The following DIS3L2 variants were observed in gnomAD, a reference collection of about 807,000 sequenced individuals.
DIS3L2 encodes DIS3-like exonuclease 2.
In DIS3L2, 34 loss-of-function variants were observed where a neutral mutation model predicts 97.5. That is an observed-to-expected ratio of 0.35 (90% CI 0.27 to 0.46). The LOEUF is 0.46. DIS3L2 is among the 20% of genes least tolerant of loss of function. The pLI is 1.00. For missense variants in DIS3L2, 1,038 were observed against 1,146.0 expected (o/e 0.91, Z 1.36); for synonymous variants, 435 against 445.2 (o/e 0.98, Z 0.29).
intron 18 of DIS3L2, 41 bp downstream of exon 18, chr2:232,334,540 C>G (rs377320459): frequency 6.2e-7 from 1 of 1,609,932 alleles, no homozygotes; most frequent in East Asian, 2.2e-5. Context: ...CCCTCTGGCT[C>G]CCGACCCTCC....
At chr2:231,996,282 C>T (rs1693728879) in intron 1 of DIS3L2, among the ~76,000 whole-genome samples, 1 of 152,190 alleles carries the variant, frequency 6.6e-6, no homozygotes, top group African/African-American at 2.4e-5. Context: ...TATTTTAATA[C>T]TGTCTAGCTT....
intron 1 of DIS3L2, among the ~76,000 whole-genome samples, chr2:231,970,894 C>G (rs1357039939): frequency 1.3e-5 from 2 of 152,114 alleles, no homozygotes; most frequent in African/African-American, 2.4e-5. Context: ...CAAAAATACT[C>G]TATGTCCTTA....
intron 12 of DIS3L2, among the ~76,000 whole-genome samples, chr2:232,250,733 T>C (rs72996137): frequency 0.012 from 1,817 of 152,252 alleles, 17 homozygotes; most frequent in Non-Finnish European, 0.018. Flanking sequence ...CAGTGACACC[T>C]TGGGGGAGAT....
chr2:232,312,958 A>G (rs989462096), intron 14 of DIS3L2, among the ~76,000 whole-genome samples: 1 of 152,338 alleles, frequency 6.6e-6, no homozygotes, highest in East Asian at 1.9e-4. Context: ...ATTAGGTTCA[A>G]ATAATTTGTA....
intron 9 of DIS3L2, among the ~76,000 whole-genome samples, chr2:232,169,179 G>GA (rs570584419): frequency 1.5e-4 from 23 of 152,204 alleles, no homozygotes; most frequent in African/African-American, 5.5e-4. Flanking sequence ...ATTTTCCTAG[G>GA]AATGTCAAAA....
chr2:232,184,785 A>G (rs1237665061), intron 9 of DIS3L2, among the ~76,000 whole-genome samples: 1 of 152,234 alleles, frequency 6.6e-6, no homozygotes, highest in African/African-American at 2.4e-5. Flanking sequence ...AACTCTGTTG[A>G]TAATAGGAAA....
chr2:232,183,644 T>C (rs1391149017), intron 9 of DIS3L2, among the ~76,000 whole-genome samples: 1 of 152,224 alleles, frequency 6.6e-6, no homozygotes, highest in African/African-American at 2.4e-5. Flanking sequence ...TCTCCAGCTT[T>C]TCCTTTTAAT....
intron 11 of DIS3L2, among the ~76,000 whole-genome samples, chr2:232,244,028 CATT>C (rs1308674899): frequency 6.6e-6 from 1 of 152,164 alleles, no homozygotes; most frequent in Non-Finnish European, 1.5e-5. Context: ...TGCAGATTAT[CATT>C]GAGTGGAGAT....
At chr2:232,027,509 A>G (rs1195166498) in intron 4 of DIS3L2, among the ~76,000 whole-genome samples, 1 of 152,196 alleles carries the variant, frequency 6.6e-6, no homozygotes, top group Non-Finnish European at 1.5e-5. Context: ...TGTTGCTCAC[A>G]TTCTAAAGTT....
At chr2:232,303,840 C>T (rs892769291) in intron 14 of DIS3L2, among the ~76,000 whole-genome samples, 1 of 152,184 alleles carries the variant, frequency 6.6e-6, no homozygotes, top group African/African-American at 2.4e-5. Flanking sequence ...CTCTGTCATC[C>T]TGTTCTCCTT....
intron 14 of DIS3L2, among the ~76,000 whole-genome samples, chr2:232,326,239 CTG>C (rs1054283004): frequency 4.1e-4 from 62 of 152,256 alleles, no homozygotes; most frequent in African/African-American, 1.4e-3. Flanking sequence ...GGGTGGGGGA[CTG>C]TGGAGCCTGT....
chr2:232,181,138 C>T (rs1241641862), intron 9 of DIS3L2, among the ~76,000 whole-genome samples: 15 of 140,910 alleles, frequency 1.1e-4, no homozygotes, highest in African/African-American at 3.2e-4. Flanking sequence ...TGAATATTGG[C>T]CCCCACTCTC....
chr2:231,982,401 C>T (rs988780140), intron 1 of DIS3L2, among the ~76,000 whole-genome samples: 3 of 152,100 alleles, frequency 2.0e-5, no homozygotes, highest in Non-Finnish European at 4.4e-5. Flanking sequence ...TTTGTCTTTA[C>T]ATTTGTTTAT....
At chr2:232,032,529 G>A (rs1350906307) in intron 5 of DIS3L2, among the ~76,000 whole-genome samples, 1 of 152,088 alleles carries the variant, frequency 6.6e-6, no homozygotes, top group African/African-American at 2.4e-5. Context: ...GTCCATTTTG[G>A]TTTTTGTTGC....
intron 6 of DIS3L2, among the ~76,000 whole-genome samples, chr2:232,108,656 C>T (rs959945967): frequency 6.6e-6 from 1 of 152,166 alleles, no homozygotes; most frequent in Non-Finnish European, 1.5e-5. Context: ...ATCTAGAAAA[C>T]CTCATAGTGT....
chr2:232,104,613 T>C (rs1257585014), intron 6 of DIS3L2, among the ~76,000 whole-genome samples: 1 of 152,170 alleles, frequency 6.6e-6, no homozygotes, highest in Non-Finnish European at 1.5e-5. Context: ...ACAAATCTAC[T>C]TCCTCTCTAT....
chr2:232,063,699 A>G (rs551081822), intron 5 of DIS3L2, among the ~76,000 whole-genome samples: 8 of 152,120 alleles, frequency 5.3e-5, no homozygotes, highest in African/African-American at 1.9e-4. Context: ...TAAAGCTTAT[A>G]CCATTTGATT....
chr2:232,085,125 C>G (rs1375649919), intron 5 of DIS3L2, among the ~76,000 whole-genome samples: 1 of 152,180 alleles, frequency 6.6e-6, no homozygotes, highest in Admixed American at 6.5e-5. Flanking sequence ...TGCTAGAGCT[C>G]TCTTACTTCA....
intron 13 of DIS3L2, 147 bp from the exon 14 acceptor site, chr2:232,299,893 C>T: frequency 6.0e-6 from 4 of 669,850 alleles, no homozygotes; most frequent in Non-Finnish European, 1.0e-5. Context: ...GGTGTGGGCT[C>T]TTCCCAGAGT....
Sources: allele counts gnomAD v4.1 joint callset (sites outside exome capture counted in the v4.1 genomes callset), GRCh38; gene constraint gnomAD v4.1.1; transcripts MANE v1.5; gene names NCBI Gene and HGNC (gene_info 2026-07-23, HGNC 2026-07-21).